ASTN1: variants seen among roughly 807,000 people sequenced by gnomAD.
The protein encoded by ASTN1 is astrotactin-1.
A neutral mutation model predicts 140.7 loss-of-function variants in ASTN1; 41 were observed. The observed-to-expected ratio is 0.29, with a 90% CI of 0.23 to 0.38. The LOEUF (loss-of-function observed/expected upper bound fraction) is 0.38. Among genes scored for constraint, ASTN1 ranks in the 10% least tolerant of loss-of-function variants. ASTN1 has a pLI of 1.00. For synonymous variants in ASTN1, 640 were observed against 652.2 expected, an observed-to-expected ratio of 0.98 and a Z score of 0.29; for missense variants, 1,479 against 1,678.8, an observed-to-expected ratio of 0.88 and a Z score of 2.08.
chr1:176,975,869 C>T (rs1673340707), intron 8 of ASTN1, among the ~76,000 whole-genome samples: 1 of 152,130 alleles, frequency 6.6e-6, no homozygotes, highest in Non-Finnish European at 1.5e-5. Context: ...GATTCTAAAG[C>T]ACACAATAGG....
At chr1:177,016,164 T>G (rs1675536570) in intron 7 of ASTN1, among the ~76,000 whole-genome samples, 1 of 152,120 alleles carries the variant, frequency 6.6e-6, no homozygotes, top group South Asian at 2.1e-4. Flanking sequence ...AGCAAGAGCT[T>G]TTTTTAGCAT....
intron 8 of ASTN1, among the ~76,000 whole-genome samples, chr1:177,006,200 CACAA>C (rs1674985355): frequency 6.6e-6 from 1 of 152,064 alleles, no homozygotes; most frequent in South Asian, 2.1e-4. Context: ...AATAATGTAT[CACAA>C]ACATACTTTT....
rs535496098 is a variant in ASTN1, at chr1:176,964,028, G to A, written c.1598+1135C>T. On this transcript the variant is annotated intron_variant, in intron 9 of 22. Coordinates refer to ENST00000361833, the MANE Select transcript of ASTN1 (RefSeq NM_004319.3). Reference sequence around the variant, plus strand: ...GAATCTGCACTCTAGGTAGGAGCACGCCTAATAGAACACTGCTATGGCTAA... The same window carrying A: ...GAATCTGCACTCTAGGTAGGAGCACACCTAATAGAACACTGCTATGGCTAA... Among the ~76,000 whole-genome samples the A allele has an allele frequency of 3.3e-5, 5 of 152,290 alleles. No individual in the cohort carries two copies. The East Asian group carries it at 5.8e-4, about 18-fold the overall frequency.
chr1:177,110,733 A>G (rs1680786004), intron 1 of ASTN1, among the ~76,000 whole-genome samples: 1 of 152,202 alleles, frequency 6.6e-6, no homozygotes, highest in South Asian at 2.1e-4. Context: ...CAATGCCTCC[A>G]GGTCACACAT....
intron 16 of ASTN1, among the ~76,000 whole-genome samples, chr1:176,903,375 G>A (rs9659386): frequency 4.0e-5 from 6 of 151,614 alleles, no homozygotes; most frequent in African/African-American, 1.5e-4. Flanking sequence ...CTGGTACTTT[G>A]TGCCTGAGTC....
At chr1:176,906,358 G>C (rs1669999064) in intron 16 of ASTN1, among the ~76,000 whole-genome samples, 1 of 152,178 alleles carries the variant, frequency 6.6e-6, no homozygotes, top group Non-Finnish European at 1.5e-5. Context: ...AGTTTACTGA[G>C]CCACAGGTTT....
chr1:177,110,087 T>G lies in ASTN1; in HGVS notation c.284-48822A>C, dbSNP rs1371717434. Among the ~76,000 whole-genome samples, 20 of 152,222 alleles carry G rather than the reference T, an allele frequency of 1.3e-4. 1 individual carries two copies. Among genetic ancestry groups the G allele is most frequent in the Admixed American group, 1.2e-3 (19 of 15,282 alleles). ...TATCTACCAATAAAACACATTAATA[T>G]TTGATTCTTTCTCACGGAAGTGTGA... On this transcript the variant is annotated intron_variant, in intron 1 of 22. Transcript: ENST00000361833.
chr1:177,001,906 G>C (rs1674743551), intron 8 of ASTN1, among the ~76,000 whole-genome samples: 1 of 152,118 alleles, frequency 6.6e-6, no homozygotes, highest in Non-Finnish European at 1.5e-5. Flanking sequence ...TCCTTTCAAA[G>C]TCAGCCTTCT....
rs78974375 is a variant in ASTN1 at position 176,883,096 on chromosome 1, G to A, written c.3227-102C>T. The A allele has an allele frequency of 1.3e-5, 19 of 1,487,758 alleles. No homozygotes were observed. The East Asian group carries it at 2.7e-4, about 21-fold the overall frequency. The allele number at this position is 1,487,758 out of a possible 1,614,324, so 92.2% of individuals were successfully genotyped here. On this transcript the variant is annotated intron_variant, in intron 19 of 22. Transcript: ENST00000361833. ...TGAGAACTTAACATGACAATGATTT[G>A]GTCCTCAATCTCTAGAGTAGAGAAG... is the stretch of plus-strand genomic sequence containing the variant.
chr1:177,029,759 T>G lies in ASTN1; in HGVS notation c.1013-18A>C, dbSNP rs778728171. On this transcript the variant is annotated intron_variant, in intron 4 of 22. Coordinates refer to ENST00000361833, the MANE Select transcript of ASTN1 (RefSeq NM_004319.3). ...GGAACCAGCTGTAATGAAAGCAGCA[T>G]GGTCAAGAAAGCGTTTTCAGTTCTG... 2 of 1,600,472 alleles carry G rather than the reference T, an allele frequency of 1.2e-6. No homozygotes were observed. Among genetic ancestry groups the G allele is most frequent in the South Asian group, 2.2e-5 (2 of 89,450 alleles).
chr1:177,091,228 T>C (rs1241344119), intron 1 of ASTN1, among the ~76,000 whole-genome samples: 3 of 152,228 alleles, frequency 2.0e-5, no homozygotes, highest in Non-Finnish European at 4.4e-5. Context: ...TAATTCCTCA[T>C]TGGAGTAACT....
chr1:177,064,431 G>T (rs771547752), intron 1 of ASTN1, among the ~76,000 whole-genome samples: 10 of 152,204 alleles, frequency 6.6e-5, no homozygotes, highest in Non-Finnish European at 1.5e-4. Flanking sequence ...AGCTCAAGAA[G>T]TTCCATACCT....
chr1:177,139,925 A>T (rs925560023), intron 1 of ASTN1, among the ~76,000 whole-genome samples: 11 of 152,192 alleles, frequency 7.2e-5, no homozygotes, highest in Non-Finnish European at 1.6e-4. Context: ...TTTTTTCTGT[A>T]TATAGCTGAT....
chr1:176,924,435 A>G (rs1365888431), intron 16 of ASTN1, among the ~76,000 whole-genome samples: 2 of 152,144 alleles, frequency 1.3e-5, no homozygotes, highest in African/African-American at 2.4e-5. Flanking sequence ...ATTTACTTCA[A>G]TCCTTCAGTC....
chr1:177,164,678 T>C lies in ASTN1; in HGVS notation c.-2A>G, dbSNP rs767376193. 4 of 1,558,542 alleles carry C rather than the reference T, an allele frequency of 2.6e-6. No homozygotes were observed. The highest frequency in any genetic ancestry group is 3.5e-6 in the Non-Finnish European group (4 of 1,153,794). ...GGCGCAGAGCCCGGCTAAAGCCATC[T>C]TGAGCCCCGGCCGCCTTCCTCCTAG... On this transcript the variant is annotated 5_prime_UTR_variant, in exon 1 of 23. Coordinates refer to ENST00000361833, the MANE Select transcript of ASTN1 (RefSeq NM_004319.3).
At chr1:177,024,935 G>A (rs1676033887) in intron 5 of ASTN1, among the ~76,000 whole-genome samples, 1 of 152,146 alleles carries the variant, frequency 6.6e-6, no homozygotes, top group Non-Finnish European at 1.5e-5. Flanking sequence ...GAGGGGACTT[G>A]GCCAACTGGT....
rs750676501 is a variant in ASTN1 at position 177,029,419 on chromosome 1, T to C, written c.1120+215A>G. The C allele has an allele frequency of 9.4e-6, 7 of 745,746 alleles. No homozygotes were observed. In the East Asian group the frequency reaches 1.8e-4, roughly 19 times the overall value. The allele number at this position is 745,746 out of a possible 1,614,324, so 46.2% of individuals were successfully genotyped here. ...AACAATTTGGAAACTTGTTTGAGAG[T>C]GCCATTATCTGGGAGAGATGATTCT... On this transcript the variant is annotated intron_variant, in intron 5 of 22. Transcript: ENST00000361833.
intron 21 of ASTN1, 132 bp downstream of exon 21, chr1:176,876,405 G>A (rs1369403443): frequency 6.7e-6 from 6 of 895,920 alleles, no homozygotes; most frequent in Admixed American, 6.6e-5. Flanking sequence ...TCCTGTACTG[G>A]GCCTTGAATT....
intron 21 of ASTN1, among the ~76,000 whole-genome samples, chr1:176,872,916 C>T (rs956694411): frequency 2.0e-5 from 3 of 152,160 alleles, no homozygotes; most frequent in African/African-American, 7.2e-5. Flanking sequence ...ACACGTATCG[C>T]CATCTGAAAT....
Sources: allele counts gnomAD v4.1 joint callset (sites outside exome capture counted in the v4.1 genomes callset), GRCh38; gene constraint gnomAD v4.1.1; transcripts MANE v1.5; gene names NCBI Gene and HGNC (gene_info 2026-07-23, HGNC 2026-07-21).